The following PXDNL variants were observed in gnomAD, a reference collection of about 807,000 sequenced individuals.
PXDNL encodes probable oxidoreductase PXDNL.
PXDNL carries 145 observed loss-of-function variants against 150.8 expected under a neutral mutation model. The observed-to-expected ratio is 0.96, with a 90% confidence interval of 0.84 to 1.10. The LOEUF is 1.10. Among genes scored for constraint, PXDNL ranks in the 50% least tolerant of loss-of-function variants. PXDNL has a pLI of 0.00. For synonymous variants in PXDNL, 757 were observed against 725.7 expected (o/e 1.04, Z -0.69); for missense variants, 2,087 against 1,873.9 (o/e 1.11, Z -2.10).
chr8:51,373,300 C>T (rs1348323843), intron 18 of PXDNL, among the ~76,000 whole-genome samples: 2 of 152,136 alleles, frequency 1.3e-5, no homozygotes, highest in African/African-American at 4.8e-5. Flanking sequence ...AGGAATCAAC[C>T]CTGCTGATGC....
intron 3 of PXDNL, among the ~76,000 whole-genome samples, chr8:51,584,443 T>C (rs1813279045): frequency 6.6e-6 from 1 of 152,226 alleles, no homozygotes; most frequent in African/African-American, 2.4e-5. Context: ...ATTTGTGTTC[T>C]TGGTAAAATT....
chr8:51,793,210 A>G (rs996587241), intron 1 of PXDNL, among the ~76,000 whole-genome samples: 3 of 152,198 alleles, frequency 2.0e-5, no homozygotes, highest in Admixed American at 6.5e-5. Context: ...GACCCCCAGG[A>G]AACCACAGCA....
chr8:51,501,286 TAACA>T (rs1811170675), intron 4 of PXDNL, among the ~76,000 whole-genome samples: 1 of 151,812 alleles, frequency 6.6e-6, no homozygotes, highest in Admixed American at 6.6e-5. Flanking sequence ...TCACACTCAC[TAACA>T]GACTCTCACA....
At chr8:51,760,520 G>C (rs1337266021) in intron 1 of PXDNL, among the ~76,000 whole-genome samples, 1 of 152,186 alleles carries the variant, frequency 6.6e-6, no homozygotes, top group Non-Finnish European at 1.5e-5. Flanking sequence ...AAATTTTGCT[G>C]TTTGATGAAG....
At chr8:51,332,438 T>C (rs1402367496) in intron 21 of PXDNL, among the ~76,000 whole-genome samples, 1 of 151,868 alleles carries the variant, frequency 6.6e-6, no homozygotes, top group African/African-American at 2.4e-5. Context: ...ATCCCAAAAA[T>C]CACACTAGTT....
intron 1 of PXDNL, among the ~76,000 whole-genome samples, chr8:51,744,055 AAGGAAGGAAG>A (rs1563307049): frequency 2.2e-4 from 13 of 59,152 alleles, no homozygotes; most frequent in South Asian, 7.7e-4. Context: ...GGAAGGAAGG[AAGGAAGGAAG>A]GAAGGAAGGA....
At chr8:51,531,269 C>G (rs1811897818) in intron 4 of PXDNL, among the ~76,000 whole-genome samples, 1 of 152,234 alleles carries the variant, frequency 6.6e-6, no homozygotes, top group Non-Finnish European at 1.5e-5. Context: ...TCAGGATGTG[C>G]CATGCATTGT....
intron 17 of PXDNL, among the ~76,000 whole-genome samples, chr8:51,376,358 C>T (rs1194023230): frequency 6.6e-6 from 1 of 152,204 alleles, no homozygotes; most frequent in African/African-American, 2.4e-5. Context: ...CCCTTCCCCA[C>T]TTTCTCCTTC....
At chr8:51,796,185 C>T (rs1261362505) in intron 1 of PXDNL, among the ~76,000 whole-genome samples, 2 of 151,844 alleles carry the variant, frequency 1.3e-5, no homozygotes, top group Admixed American at 1.3e-4. Context: ...CTCAAATTGA[C>T]ACCTTAACAT....
chr8:51,630,112 A>G (rs1424033677), intron 2 of PXDNL, among the ~76,000 whole-genome samples: 1 of 152,198 alleles, frequency 6.6e-6, no homozygotes, highest in Non-Finnish European at 1.5e-5. Flanking sequence ...GGAAAAGAAT[A>G]GAGTCCAAAA....
At chr8:51,727,871 C>A (rs1473758474) in intron 1 of PXDNL, among the ~76,000 whole-genome samples, 1 of 152,218 alleles carries the variant, frequency 6.6e-6, no homozygotes, top group Non-Finnish European at 1.5e-5. Flanking sequence ...GTTTTGACTG[C>A]TCCCAAGTTC....
intron 2 of PXDNL, among the ~76,000 whole-genome samples, chr8:51,613,204 A>G (rs949350488): frequency 3.3e-5 from 5 of 151,752 alleles, no homozygotes; most frequent in African/African-American, 1.2e-4. Flanking sequence ...CTGTTCACCA[A>G]AAAAAATATA....
chr8:51,342,043 G>A (rs890968784), intron 20 of PXDNL, among the ~76,000 whole-genome samples: 4 of 151,892 alleles, frequency 2.6e-5, no homozygotes, highest in Non-Finnish European at 5.9e-5. Flanking sequence ...AGCACAATAT[G>A]GAAACAATAT....
chr8:51,612,959 C>A (rs1013908893), intron 2 of PXDNL, among the ~76,000 whole-genome samples: 7 of 152,196 alleles, frequency 4.6e-5, no homozygotes, highest in Non-Finnish European at 1.0e-4. Flanking sequence ...AATGCCCAAT[C>A]TGTATGTCAT....
rs545167924 is a variant in PXDNL, at chr8:51,393,147, C to T, written c.3557+14920G>A. 2.6e-5 allele frequency among the ~76,000 whole-genome samples: 4 copies of T among 152,238 alleles called. No homozygotes were observed. In the South Asian group the frequency reaches 8.3e-4, roughly 32 times the overall value. On this transcript the variant is annotated intron_variant, in intron 17 of 22. Coordinates refer to ENST00000356297, the MANE Select transcript of PXDNL (RefSeq NM_144651.5). ...CTACCTATAGAAAGACAGGTTTCCACCTTTACTTAGAGAATGTTTTTTCTT... is the reference window on the plus strand; with the variant it reads ...CTACCTATAGAAAGACAGGTTTCCATCTTTACTTAGAGAATGTTTTTTCTT...
intron 2 of PXDNL, among the ~76,000 whole-genome samples, chr8:51,644,149 AAAAT>A (rs1563493640): frequency 1.3e-5 from 2 of 151,178 alleles, no homozygotes; most frequent in Non-Finnish European, 1.5e-5. Flanking sequence ...CCATCTCAAA[AAAAT>A]AAATAAATAA....
chr8:51,594,248 G>C (rs1813514867), intron 2 of PXDNL, among the ~76,000 whole-genome samples: 1 of 152,144 alleles, frequency 6.6e-6, no homozygotes, highest in African/African-American at 2.4e-5. Context: ...TGTATGTGTG[G>C]TATGTGACAC....
intron 1 of PXDNL, among the ~76,000 whole-genome samples, chr8:51,752,710 A>G (rs1205044246): frequency 1.3e-5 from 2 of 152,158 alleles, no homozygotes; most frequent in South Asian, 2.1e-4. Context: ...ATTTAAAATT[A>G]CTGTTCATGC....
intron 3 of PXDNL, among the ~76,000 whole-genome samples, chr8:51,561,525 G>C: frequency 6.6e-6 from 1 of 151,294 alleles, no homozygotes; most frequent in East Asian, 1.9e-4. Flanking sequence ...AAAAAATTTT[G>C]AATTAATTTT....
Sources: gnomAD v4.1 joint callset for allele counts (sites outside exome capture counted in the v4.1 genomes callset) on GRCh38, gnomAD v4.1.1 for gene constraint, MANE v1.5 for transcripts, NCBI Gene and HGNC (gene_info 2026-07-23, HGNC 2026-07-21) for gene names.